Variants in PEX5L observed in about 807,000 individuals in gnomAD.
The protein encoded by PEX5L is PEX5-related protein.
In PEX5L, 30 loss-of-function variants were observed where a neutral mutation model predicts 84.0. The ratio of observed to expected loss-of-function variants is 0.36; its 90% CI spans 0.27 to 0.48. The LOEUF is 0.48. PEX5L is among the 20% of genes least tolerant of loss of function. The pLI is 0.99. For missense variants in PEX5L, 533 were observed against 754.6 expected, an observed-to-expected ratio of 0.71 and a Z score of 3.44; for synonymous variants, 270 against 283.1, an observed-to-expected ratio of 0.95 and a Z score of 0.46.
intron 1 of PEX5L, among the ~76,000 whole-genome samples, chr3:180,013,281 C>T (rs918963135): frequency 6.6e-6 from 1 of 152,144 alleles, no homozygotes; most frequent in African/African-American, 2.4e-5. Context: ...TGTGTGTGCA[C>T]ACAAGTGTAT....
chr3:179,848,032 G>A (rs1400716913), intron 8 of PEX5L, among the ~76,000 whole-genome samples: 1 of 150,672 alleles, frequency 6.6e-6, no homozygotes, highest in African/African-American at 2.4e-5. Context: ...TAGAACTAAA[G>A]ACCAAAACTA....
At position 179,861,130 on chromosome 3, in the gene PEX5L, C is replaced by T. The variant is rs116270987; in HGVS notation, c.727-1973G>A. ...TTAAAACATTAATTTATGTTTCCTCCTCTTTGTTGGGAATACTTCTGTATC... is the reference window on the plus strand; with the variant it reads ...TTAAAACATTAATTTATGTTTCCTCTTCTTTGTTGGGAATACTTCTGTATC... On this transcript the variant is annotated intron_variant, in intron 7 of 14. Transcript: ENST00000467460. Among the ~76,000 whole-genome samples the T allele has an allele frequency of 7.9e-3, 1,200 of 152,340 alleles. 19 individuals are homozygous for T. The highest frequency in any genetic ancestry group is 0.028 in the African/African-American group (1,146 of 41,578).
chr3:179,944,785 T>C (rs1299956354), intron 2 of PEX5L, among the ~76,000 whole-genome samples: 1 of 152,182 alleles, frequency 6.6e-6, no homozygotes, highest in Non-Finnish European at 1.5e-5. Context: ...CTACAGTACA[T>C]TGAAGGGTTT....
At chr3:179,829,274 GAAGT>G (rs1236438687) in intron 8 of PEX5L, among the ~76,000 whole-genome samples, 2 of 152,148 alleles carry the variant, frequency 1.3e-5, no homozygotes, top group African/African-American at 4.8e-5. Context: ...CAAAACTTCT[GAAGT>G]AAGAGAAATT....
In PEX5L at chr3:179,987,501, T is replaced by C. The variant is rs980370730; in HGVS notation, c.22-15836A>G. ...TGCTGTGTCAACTCTTAGAATTCTG[T>C]ATTAAGAAAATCCAGAAAAGCTTTA... is the stretch of plus-strand genomic sequence containing the variant. On this transcript the variant is annotated intron_variant, in intron 1 of 14. Transcript: ENST00000467460. Among the ~76,000 whole-genome samples, 4 of 152,206 alleles carry C rather than the reference T, an allele frequency of 2.6e-5. No individual in the cohort carries two copies. In the South Asian group the frequency reaches 6.2e-4, roughly 24 times the overall value.
At chr3:179,947,141 G>A (rs919591538) in intron 2 of PEX5L, among the ~76,000 whole-genome samples, 1 of 152,100 alleles carries the variant, frequency 6.6e-6, no homozygotes, top group Non-Finnish European at 1.5e-5. Flanking sequence ...CTGAGAAATT[G>A]GTAGTGGCCT....
intron 4 of PEX5L, among the ~76,000 whole-genome samples, chr3:179,884,871 T>C (rs1160064174): frequency 6.6e-6 from 1 of 152,172 alleles, no homozygotes; most frequent in Non-Finnish European, 1.5e-5. Flanking sequence ...AAAAAAATTA[T>C]AATTTAGAAC....
chr3:180,009,576 CTTTTT>C lies in PEX5L; in HGVS notation c.21+26998_21+27002del, dbSNP rs71629907. On this transcript the variant is annotated intron_variant, in intron 1 of 14. Coordinates refer to ENST00000467460, the MANE Select transcript of PEX5L (RefSeq NM_016559.3). ...GTTACTGAAAAAATTTTTTTCTTTT[CTTTTT>C]TTTTTGTTTTTAGAAACAAGGTGAC... Among the ~76,000 whole-genome samples the C allele has an allele frequency of 4.0e-4, 59 of 148,632 alleles. No individual in the cohort carries two copies. The South Asian group carries it at 6.8e-3, about 17-fold the overall frequency.
chr3:179,972,394 T>C (rs750510097), intron 1 of PEX5L, among the ~76,000 whole-genome samples: 59 of 152,116 alleles, frequency 3.9e-4, no homozygotes, highest in Non-Finnish European at 7.1e-4. Flanking sequence ...AGGACATAGA[T>C]AATGATAATC....
At chr3:179,971,955 C>CT (rs1338150641) in intron 1 of PEX5L, among the ~76,000 whole-genome samples, 1 of 152,072 alleles carries the variant, frequency 6.6e-6, no homozygotes, top group Non-Finnish European at 1.5e-5. Context: ...AGAAAAGATT[C>CT]TTTAACACTT....
At chr3:179,943,372 A>T (rs971615286) in intron 2 of PEX5L, among the ~76,000 whole-genome samples, 16 of 152,236 alleles carry the variant, frequency 1.1e-4, no homozygotes, top group African/African-American at 3.9e-4. Context: ...AATTAATCAC[A>T]TCTACTTCCT....
intron 10 of PEX5L, among the ~76,000 whole-genome samples, chr3:179,812,361 C>T (rs1724215806): frequency 6.6e-6 from 1 of 152,150 alleles, no homozygotes; most frequent in Non-Finnish European, 1.5e-5. Context: ...CAAACAAAAT[C>T]TCCCATGATG....
rs975206920 is a variant in PEX5L at position 179,797,399 on chromosome 3, A to G, written c.*4429T>C. On this transcript the variant is annotated 3_prime_UTR_variant, in exon 15 of 15. Transcript: ENST00000467460. ...GAGGCAAGGAACAACAGGCTAACCT[A>G]TGAGACTTAATCATGCACTGTGTAA... The G allele has an allele frequency of 2.0e-5, 3 of 152,154 alleles. No individual in the cohort carries two copies. The highest frequency in any genetic ancestry group is 2.0e-4 in the Admixed American group (3 of 15,282). 9.4% of individuals were successfully genotyped at this position (152,154 alleles called of 1,614,324 possible).
chr3:180,012,886 G>A (rs369585485), intron 1 of PEX5L, among the ~76,000 whole-genome samples: 6 of 151,808 alleles, frequency 4.0e-5, no homozygotes, highest in South Asian at 4.2e-4. Context: ...AAAAAAATAC[G>A]TCTCTGAATC....
At chr3:179,971,702 C>T (rs771880356) in intron 1 of PEX5L, 37 bp from the exon 2 acceptor site, 15 of 1,538,832 alleles carry the variant, frequency 9.7e-6, no homozygotes, top group Non-Finnish European at 1.1e-5. Context: ...CATTTAGTTT[C>T]TATCCATTAA....
intron 14 of PEX5L, among the ~76,000 whole-genome samples, chr3:179,803,718 T>C (rs183246585): frequency 1.3e-5 from 2 of 152,370 alleles, no homozygotes; most frequent in East Asian, 3.8e-4. Context: ...AATAAGCATC[T>C]GGTAAGAAAC....
At chr3:179,807,910 AAGGAAGATGGC>A in intron 13 of PEX5L, 79 bp from the exon 14 acceptor site, 1 of 1,345,384 alleles carries the variant, frequency 7.4e-7, no homozygotes, top group Non-Finnish European at 1.0e-6. Flanking sequence ...TCTGCAGAGA[AAGGAAGATGGC>A]TAAAAATTTA....
At chr3:179,963,845 C>A (rs1782682476) in intron 2 of PEX5L, among the ~76,000 whole-genome samples, 3 of 152,086 alleles carry the variant, frequency 2.0e-5, no homozygotes, top group Non-Finnish European at 4.4e-5. Context: ...CTACTAACCT[C>A]ATTTCTGGAC....
intron 2 of PEX5L, among the ~76,000 whole-genome samples, chr3:179,915,790 AC>A (rs1766847804): frequency 6.6e-6 from 1 of 152,216 alleles, no homozygotes; most frequent in African/African-American, 2.4e-5. Context: ...AGTGAATATA[AC>A]AATTTCTGCT....
Sources: allele counts gnomAD v4.1 joint callset (sites outside exome capture counted in the v4.1 genomes callset), GRCh38; gene constraint gnomAD v4.1.1; transcripts MANE v1.5; gene names NCBI Gene and HGNC (gene_info 2026-07-23, HGNC 2026-07-21).